Variants in LMX1A observed in about 807,000 individuals in gnomAD.
LMX1A encodes the protein LIM homeobox transcription factor 1-alpha.
Under a neutral mutation model 49.1 loss-of-function variants are expected in LMX1A, and 15 were observed. The ratio of observed to expected loss-of-function variants is 0.31; its 90% CI spans 0.20 to 0.47. The LOEUF (loss-of-function observed/expected upper bound fraction) is 0.47, where lower values mean the gene tolerates loss of function less well. LMX1A is among the 20% of genes least tolerant of loss of function. LMX1A has a pLI of 1.00. For missense variants in LMX1A, 372 were observed against 475.8 expected (o/e 0.78, Z 2.03); for synonymous variants, 167 against 185.7 (o/e 0.90, Z 0.82).
chr1:165,265,135 T>C (rs886334513), intron 3 of LMX1A, among the ~76,000 whole-genome samples: 3 of 142,934 alleles, frequency 2.1e-5, no homozygotes, highest in African/African-American at 2.6e-5. Flanking sequence ...ACCCAGGAGG[T>C]GGAGCTTGCA....
chr1:165,302,069 C>T (rs1654796632), intron 3 of LMX1A, among the ~76,000 whole-genome samples: 1 of 152,144 alleles, frequency 6.6e-6, no homozygotes, highest in Non-Finnish European at 1.5e-5. Context: ...GACAGACACT[C>T]AAAACAGCAG....
chr1:165,205,236 A>G (rs1157852806), intron 8 of LMX1A, among the ~76,000 whole-genome samples: 1 of 152,094 alleles, frequency 6.6e-6, no homozygotes, highest in Non-Finnish European at 1.5e-5. Context: ...TCCAAAGCTC[A>G]CCCAGCCCCC....
rs528322644 is a variant in LMX1A, at chr1:165,267,062, A to G, written c.264-17422T>C. On this transcript the variant is annotated intron_variant, in intron 3 of 8. Coordinates refer to ENST00000342310, the MANE Select transcript of LMX1A (RefSeq NM_177398.4). ...GGAACAATTCTATGATATTCAGTAC[A>G]TTCACAATGTAGTACAACTACCACC... Among the ~76,000 whole-genome samples, 12 of 152,130 alleles carry G rather than the reference A, an allele frequency of 7.9e-5. No individual in the cohort carries two copies. The South Asian group carries it at 2.3e-3, about 29-fold the overall frequency.
Position 165,327,416 on chromosome 1 carries a change from G to A in LMX1A, c.263+25660C>T, listed in dbSNP as rs1254081449. ...CCCAGGTCACCCTGATCCCAACAAAGCCAAGCCTGACTTAGAGAAAGAGCT... is the reference window on the plus strand; with the variant it reads ...CCCAGGTCACCCTGATCCCAACAAAACCAAGCCTGACTTAGAGAAAGAGCT... On this transcript the variant is annotated intron_variant, in intron 3 of 8. Coordinates refer to ENST00000342310, the MANE Select transcript of LMX1A (RefSeq NM_177398.4). 3.3e-5 allele frequency among the ~76,000 whole-genome samples: 5 copies of A among 152,224 alleles called. No homozygotes were observed. In the South Asian group the frequency reaches 8.3e-4, roughly 25 times the overall value.
chr1:165,313,490 T>G (rs868560816), intron 3 of LMX1A, among the ~76,000 whole-genome samples: 318 of 149,870 alleles, frequency 2.1e-3, no homozygotes, highest in African/African-American at 5.7e-3. Context: ...TTTTTTTTTT[T>G]TTGTTGTTGT....
chr1:165,271,736 A>G (rs1297281702), intron 3 of LMX1A, among the ~76,000 whole-genome samples: 1 of 152,140 alleles, frequency 6.6e-6, no homozygotes, highest in Non-Finnish European at 1.5e-5. Context: ...AGGTAGAAAT[A>G]CCTGGCAGGA....
chr1:165,226,316 C>T (rs1652034310), intron 4 of LMX1A, among the ~76,000 whole-genome samples: 1 of 152,226 alleles, frequency 6.6e-6, no homozygotes, highest in Non-Finnish European at 1.5e-5. Context: ...GTGCTCTCTT[C>T]CACCTCTATT....
intron 3 of LMX1A, among the ~76,000 whole-genome samples, chr1:165,341,471 C>G (rs530580333): frequency 3.9e-5 from 6 of 152,276 alleles, no homozygotes; most frequent in African/African-American, 7.2e-5. Context: ...AACTAACATG[C>G]ATTCACTAAA....
intron 4 of LMX1A, 31 bp from the exon 5 acceptor site, chr1:165,213,844 C>A: frequency 6.2e-7 from 1 of 1,606,250 alleles, no homozygotes. Flanking sequence ...TGTTGTGAGT[C>A]CCTGAAAGCC....
intron 4 of LMX1A, among the ~76,000 whole-genome samples, chr1:165,227,894 A>G (rs1174616162): frequency 2.0e-5 from 3 of 152,206 alleles, no homozygotes; most frequent in African/African-American, 4.8e-5. Flanking sequence ...CTAGGGAGAT[A>G]GTCATACAAG....
chr1:165,278,332 C>T (rs1654031866), intron 3 of LMX1A, among the ~76,000 whole-genome samples: 1 of 152,222 alleles, frequency 6.6e-6, no homozygotes, highest in African/African-American at 2.4e-5. Context: ...CACTGAAAAT[C>T]AAGAGCTGTG....
chr1:165,346,035 G>A (rs1335465058), intron 3 of LMX1A, among the ~76,000 whole-genome samples: 1 of 152,186 alleles, frequency 6.6e-6, no homozygotes, highest in Admixed American at 6.5e-5. Context: ...GGGAGAAGGG[G>A]ACAGAGGCAG....
At chr1:165,353,314 GC>G in intron 2 of LMX1A, 52 bp from the exon 3 acceptor site, 1 of 1,490,632 alleles carries the variant, frequency 6.7e-7, no homozygotes, top group Non-Finnish European at 9.1e-7. Context: ...GGTAGACCAT[GC>G]CAAACCTGGC....
chr1:165,220,060 A>G (rs1379058983), intron 4 of LMX1A, among the ~76,000 whole-genome samples: 2 of 152,174 alleles, frequency 1.3e-5, no homozygotes, highest in East Asian at 1.9e-4. Context: ...ATGACATGGA[A>G]ACAAGACATT....
At chr1:165,332,518 T>C (rs1655778266) in intron 3 of LMX1A, among the ~76,000 whole-genome samples, 1 of 152,224 alleles carries the variant, frequency 6.6e-6, no homozygotes, top group Non-Finnish European at 1.5e-5. Flanking sequence ...TCCACATGTA[T>C]ATGAGTATAT....
At chr1:165,339,797 C>T (rs1656014856) in intron 3 of LMX1A, among the ~76,000 whole-genome samples, 1 of 152,138 alleles carries the variant, frequency 6.6e-6, no homozygotes, top group Non-Finnish European at 1.5e-5. Flanking sequence ...AGATGTGCCC[C>T]TCACCCTTCC....
chr1:165,329,812 T>C (rs1035683915), intron 3 of LMX1A, among the ~76,000 whole-genome samples: 4 of 152,200 alleles, frequency 2.6e-5, no homozygotes, highest in African/African-American at 7.2e-5. Context: ...TATAGAGTTA[T>C]AGCACATCAA....
chr1:165,287,363 T>C (rs1325753039), intron 3 of LMX1A, among the ~76,000 whole-genome samples: 1 of 152,096 alleles, frequency 6.6e-6, no homozygotes, highest in Non-Finnish European at 1.5e-5. Context: ...AAATTGGAGC[T>C]CGGACTACAC....
chr1:165,314,320 G>T (rs935454881), intron 3 of LMX1A, among the ~76,000 whole-genome samples: 1 of 152,202 alleles, frequency 6.6e-6, no homozygotes, highest in Non-Finnish European at 1.5e-5. Flanking sequence ...TATGAATGCA[G>T]CATCCCAGAT....
Sources: allele counts gnomAD v4.1 joint callset (sites outside exome capture counted in the v4.1 genomes callset), GRCh38; gene constraint gnomAD v4.1.1; transcripts MANE v1.5; gene names NCBI Gene and HGNC (gene_info 2026-07-23, HGNC 2026-07-21).